The following SPATS2L variants were observed in gnomAD, a reference collection of about 807,000 sequenced individuals.
SPATS2L encodes the protein spermatogenesis associated serine rich 2 like.
Under a neutral mutation model 59.6 loss-of-function variants are expected in SPATS2L, and 30 were observed. The observed-to-expected ratio is 0.50, with a 90% CI of 0.38 to 0.68. The LOEUF is 0.68. Among genes scored for constraint, SPATS2L ranks in the 30% least tolerant of loss-of-function variants. The pLI is 0.00. For missense variants in SPATS2L, 615 were observed against 700.0 expected (o/e 0.88, Z 1.37); for synonymous variants, 252 against 263.5 (o/e 0.96, Z 0.42).
intron 1 of SPATS2L, among the ~76,000 whole-genome samples, chr2:200,307,668 T>C (rs2079071253): frequency 6.6e-6 from 1 of 152,300 alleles, no homozygotes; most frequent in East Asian, 1.9e-4. Context: ...ACTCTGAATA[T>C]CATGCTGCCG....
At chr2:200,341,190 T>G (rs2080312951) in intron 2 of SPATS2L, among the ~76,000 whole-genome samples, 1 of 152,214 alleles carries the variant, frequency 6.6e-6, no homozygotes, top group African/African-American at 2.4e-5. Flanking sequence ...GTTTTATGGA[T>G]GTACACATGG....
At chr2:200,407,287 G>A (rs2082719781) in intron 3 of SPATS2L, among the ~76,000 whole-genome samples, 1 of 152,160 alleles carries the variant, frequency 6.6e-6, no homozygotes, top group Non-Finnish European at 1.5e-5. Flanking sequence ...CTAGCATGTA[G>A]CAGAAGCAAG....
chr2:200,382,049 C>T (rs566050058), intron 2 of SPATS2L, among the ~76,000 whole-genome samples: 1 of 152,196 alleles, frequency 6.6e-6, no homozygotes, highest in African/African-American at 2.4e-5. Context: ...GGAAAACAGC[C>T]GTTTTTTGGT....
intron 1 of SPATS2L, among the ~76,000 whole-genome samples, chr2:200,324,580 G>C (rs2079671818): frequency 6.6e-6 from 1 of 152,152 alleles, no homozygotes; most frequent in Admixed American, 6.5e-5. Context: ...AGGAACAAAG[G>C]GAAATCAGGT....
At chr2:200,451,835 T>C (rs1357484260) in intron 8 of SPATS2L, among the ~76,000 whole-genome samples, 1 of 148,244 alleles carries the variant, frequency 6.7e-6, no homozygotes, top group East Asian at 1.9e-4. Flanking sequence ...CTTTTTTCTT[T>C]TCTTTTTTTG....
intron 2 of SPATS2L, among the ~76,000 whole-genome samples, chr2:200,387,409 C>T (rs772664904): frequency 1.3e-5 from 2 of 152,152 alleles, no homozygotes; most frequent in African/African-American, 2.4e-5. Flanking sequence ...TGTCCAAATG[C>T]TTGTGTCAGT....
intron 2 of SPATS2L, among the ~76,000 whole-genome samples, chr2:200,352,848 T>C (rs1158795609): frequency 6.6e-6 from 1 of 152,016 alleles, no homozygotes; most frequent in African/African-American, 2.4e-5. Context: ...AAAACCTGCA[T>C]GTATGAGGGA....
chr2:200,447,373 C>T (rs1251247275), intron 8 of SPATS2L, among the ~76,000 whole-genome samples: 1 of 152,250 alleles, frequency 6.6e-6, no homozygotes, highest in East Asian at 1.9e-4. Flanking sequence ...AGGTCTTTTA[C>T]ATATCTTACG....
chr2:200,343,304 G>T (rs2080394180), intron 2 of SPATS2L, among the ~76,000 whole-genome samples: 1 of 152,208 alleles, frequency 6.6e-6, no homozygotes, highest in African/African-American at 2.4e-5. Context: ...GTCAGTCTTG[G>T]CTGGAAGTAT....
At position 200,472,875 on chromosome 2, in the gene SPATS2L, C is replaced by T. The variant is rs985414787; in HGVS notation, c.1104C>T (p.Ser368=). The change falls in exon 12 of 13, where the codon AGC becomes AGT. Residue 368 remains serine, a synonymous_variant. Transcript: ENST00000409140. Reference sequence around the variant, plus strand: ...ACTATTCCTCAAGAACTCCCTGCAGCTCCCTGCTGCCTCTGCTGAATGCGC... The same window carrying T: ...ACTATTCCTCAAGAACTCCCTGCAGTTCCCTGCTGCCTCTGCTGAATGCGC... ...KNNYSSRTPC[S]SLLPLLNAHA... is the part of the protein sequence containing the mutation. The T allele has an allele frequency of 6.2e-7, 1 of 1,613,986 alleles. No homozygotes were observed. The highest frequency in any genetic ancestry group is 1.6e-4 in the Middle Eastern group (1 of 6,062).
chr2:200,466,647 A>T (rs1315173768), intron 9 of SPATS2L, among the ~76,000 whole-genome samples: 1 of 152,186 alleles, frequency 6.6e-6, no homozygotes, highest in African/African-American at 2.4e-5. Flanking sequence ...TCACTCTTGA[A>T]ATTTTTCCAC....
intron 6 of SPATS2L, among the ~76,000 whole-genome samples, chr2:200,427,521 TA>T (rs1373098337): frequency 6.7e-6 from 1 of 148,832 alleles, no homozygotes; most frequent in African/African-American, 2.4e-5. Flanking sequence ...TATAATAATA[TA>T]CATATATATT....
chr2:200,436,604 A>G (rs1372462924), intron 6 of SPATS2L, among the ~76,000 whole-genome samples: 1 of 152,200 alleles, frequency 6.6e-6, no homozygotes, highest in Non-Finnish European at 1.5e-5. Context: ...TTTCAGCTCT[A>G]GGTTAATGAG....
chr2:200,318,895 A>G (rs2079466612), intron 1 of SPATS2L, among the ~76,000 whole-genome samples: 1 of 152,206 alleles, frequency 6.6e-6, no homozygotes, highest in South Asian at 2.1e-4. Context: ...ATGAAGCCAA[A>G]TAATGCTAAT....
At chr2:200,450,766 C>G (rs540152001) in intron 8 of SPATS2L, among the ~76,000 whole-genome samples, 3 of 152,260 alleles carry the variant, frequency 2.0e-5, no homozygotes, top group African/African-American at 7.2e-5. Flanking sequence ...GGGATAAAGA[C>G]AGTCTTCCTC....
chr2:200,414,914 A>C (rs550607908), intron 4 of SPATS2L, among the ~76,000 whole-genome samples: 1 of 152,364 alleles, frequency 6.6e-6, no homozygotes, highest in South Asian at 2.1e-4. Context: ...CAGTTGTGAA[A>C]GCAATAAGCA....
intron 12 of SPATS2L, 98 bp from the exon 13 acceptor site, chr2:200,477,538 A>AT: frequency 1.6e-6 from 1 of 612,120 alleles, no homozygotes; most frequent in Non-Finnish European, 2.4e-6. Flanking sequence ...AAAAAAAAAA[A>AT]GCTTACCTGT....
At chr2:200,420,198 C>G (rs2083251710) in intron 6 of SPATS2L, among the ~76,000 whole-genome samples, 1 of 151,562 alleles carries the variant, frequency 6.6e-6, no homozygotes, top group South Asian at 2.1e-4. Context: ...GTCCCATTTC[C>G]TTTCTGAAAA....
At chr2:200,327,043 G>A (rs371867008) in intron 1 of SPATS2L, among the ~76,000 whole-genome samples, 9 of 151,068 alleles carry the variant, frequency 6.0e-5, no homozygotes, top group Non-Finnish European at 8.8e-5. Context: ...CACCATGTCC[G>A]GCCCTGTTTG....
Sources: gnomAD v4.1 joint callset for allele counts (sites outside exome capture counted in the v4.1 genomes callset) on GRCh38, gnomAD v4.1.1 for gene constraint, MANE v1.5 for transcripts, NCBI Gene and HGNC (gene_info 2026-07-23, HGNC 2026-07-21) for gene names.